The following BNC2 variants were observed in gnomAD, a reference collection of about 807,000 sequenced individuals.
BNC2 encodes zinc finger protein basonuclin-2.
Under a neutral mutation model 76.3 loss-of-function variants are expected in BNC2, and 20 were observed. The ratio of observed to expected loss-of-function variants is 0.26; its 90% confidence interval spans 0.18 to 0.38. BNC2 has a LOEUF of 0.38. Ranked by LOEUF, BNC2 falls within the 10% of genes least tolerant of loss-of-function variation. The probability of loss-of-function intolerance (pLI) is 1.00; values close to 1 mark genes in which losing one functional copy is unlikely to be tolerated. For missense variants in BNC2, 1,382 were observed against 1,399.8 expected, an observed-to-expected ratio of 0.99 and a Z score of 0.20; for synonymous variants, 582 against 514.8, an observed-to-expected ratio of 1.13 and a Z score of -1.77.
rs145200373 is a variant in BNC2 at position 16,579,485 on chromosome 9, G to C, written c.433+3498C>G. 7.0e-3 allele frequency among the ~76,000 whole-genome samples: 1,072 copies of C among 152,142 alleles called. 28 individuals are homozygous for C. The South Asian group carries it at 0.091, about 13-fold the overall frequency. On this transcript the variant is annotated intron_variant, in intron 4 of 6. Transcript: ENST00000380672. ...TTTTGTAGAGACAAGATTTTGCCAT[G>C]TTGCCCAGGTTGGTCTTGAACTCCT...
chr9:16,799,778 G>A (rs1342750002), intron 1 of BNC2, among the ~76,000 whole-genome samples: 1 of 152,140 alleles, frequency 6.6e-6, no homozygotes, highest in Non-Finnish European at 1.5e-5. Flanking sequence ...AAAACCAGAA[G>A]AAACAATAAT....
intron 3 of BNC2, among the ~76,000 whole-genome samples, chr9:16,713,843 G>T (rs540586026): frequency 6.6e-6 from 1 of 152,202 alleles, no homozygotes; most frequent in African/African-American, 2.4e-5. Context: ...GGGAGGCTGA[G>T]GTGGGCAGAT....
chr9:16,613,562 A>C (rs1302306947), intron 3 of BNC2, among the ~76,000 whole-genome samples: 3 of 152,190 alleles, frequency 2.0e-5, no homozygotes. Flanking sequence ...TCTGAAAAGG[A>C]GATCAGCTAC....
At chr9:16,443,758 C>T (rs1039457133) in intron 5 of BNC2, among the ~76,000 whole-genome samples, 14 of 152,098 alleles carry the variant, frequency 9.2e-5, no homozygotes, top group African/African-American at 3.4e-4. Flanking sequence ...CATACATACG[C>T]TACTGTTCCA....
At chr9:16,623,297 T>G (rs1319640628) in intron 3 of BNC2, among the ~76,000 whole-genome samples, 1 of 152,160 alleles carries the variant, frequency 6.6e-6, no homozygotes, top group African/African-American at 2.4e-5. Flanking sequence ...GAGGGCATAT[T>G]GTACCAGACT....
At chr9:16,865,488 A>G (rs1819522417) in intron 1 of BNC2, among the ~76,000 whole-genome samples, 1 of 152,198 alleles carries the variant, frequency 6.6e-6, no homozygotes, top group South Asian at 2.1e-4. Context: ...ACTTTTTGTA[A>G]TTGTAAGTGA....
At chr9:16,623,303 A>C (rs1659116136) in intron 3 of BNC2, among the ~76,000 whole-genome samples, 1 of 152,202 alleles carries the variant, frequency 6.6e-6, no homozygotes, top group Non-Finnish European at 1.5e-5. Context: ...ATATTGTACC[A>C]GACTGAATTA....
intron 3 of BNC2, among the ~76,000 whole-genome samples, chr9:16,633,014 T>C (rs1821211261): frequency 6.6e-6 from 1 of 152,328 alleles, no homozygotes; most frequent in Admixed American, 6.5e-5. Context: ...TGTTGCTTCA[T>C]TCATATTTAG....
intron 5 of BNC2, among the ~76,000 whole-genome samples, chr9:16,551,256 G>A (rs890214756): frequency 2.6e-5 from 4 of 152,154 alleles, no homozygotes; most frequent in Non-Finnish European, 5.9e-5. Flanking sequence ...ATTCTATTCT[G>A]AGAGCAGACA....
intron 1 of BNC2, among the ~76,000 whole-genome samples, chr9:16,845,018 C>G (rs1818932417): frequency 6.6e-6 from 1 of 152,118 alleles, no homozygotes; most frequent in Non-Finnish European, 1.5e-5. Context: ...AGTAGCATCA[C>G]CAGGTTCAGA....
intron 5 of BNC2, among the ~76,000 whole-genome samples, chr9:16,471,396 C>A (rs185230401): frequency 6.6e-6 from 1 of 151,654 alleles, no homozygotes; most frequent in African/African-American, 2.4e-5. Context: ...CGGATTCAAG[C>A]GATTCTCCTG....
intron 3 of BNC2, among the ~76,000 whole-genome samples, chr9:16,674,498 A>C (rs1243986542): frequency 6.6e-6 from 1 of 152,194 alleles, no homozygotes; most frequent in Non-Finnish European, 1.5e-5. Flanking sequence ...TACAACTCGC[A>C]TGGATAGTCT....
intron 3 of BNC2, among the ~76,000 whole-genome samples, chr9:16,720,482 T>C (rs1383358359): frequency 6.6e-6 from 1 of 152,150 alleles, no homozygotes; most frequent in East Asian, 1.9e-4. Context: ...CAATGACACA[T>C]AAACCCTAAA....
chr9:16,760,032 AACTCTT>A (rs1825508761), intron 1 of BNC2, among the ~76,000 whole-genome samples: 1 of 152,130 alleles, frequency 6.6e-6, no homozygotes, highest in Admixed American at 6.5e-5. Flanking sequence ...CAGAGACAGA[AACTCTT>A]ACGAGCTAAG....
At chr9:16,686,463 T>C (rs1178340790) in intron 3 of BNC2, among the ~76,000 whole-genome samples, 1 of 152,232 alleles carries the variant, frequency 6.6e-6, no homozygotes, top group Non-Finnish European at 1.5e-5. Context: ...AAATTTCTAA[T>C]TGTTCCTCAT....
chr9:16,431,097 A>G (rs1356461039), intron 6 of BNC2, among the ~76,000 whole-genome samples: 1 of 152,230 alleles, frequency 6.6e-6, no homozygotes, highest in Non-Finnish European at 1.5e-5. Context: ...ATGTAGGATG[A>G]AAAAGAGACA....
intron 4 of BNC2, among the ~76,000 whole-genome samples, chr9:16,576,490 A>G (rs748729443): frequency 8.5e-5 from 13 of 152,178 alleles, no homozygotes; most frequent in Non-Finnish European, 1.9e-4. Flanking sequence ...AGTCAGGGAG[A>G]ATATTAGAGA....
chr9:16,776,836 A>G (rs1825980500), intron 1 of BNC2, among the ~76,000 whole-genome samples: 1 of 152,242 alleles, frequency 6.6e-6, no homozygotes, highest in Non-Finnish European at 1.5e-5. Flanking sequence ...AAAAGATAGG[A>G]CAGTGGCAGC....
chr9:16,661,237 T>C (rs1212372007), intron 3 of BNC2, among the ~76,000 whole-genome samples: 1 of 152,284 alleles, frequency 6.6e-6, no homozygotes, highest in South Asian at 2.1e-4. Flanking sequence ...AATATACTCA[T>C]CTTCTAACAA....
Sources: gnomAD v4.1 joint callset for allele counts (sites outside exome capture counted in the v4.1 genomes callset) on GRCh38, gnomAD v4.1.1 for gene constraint, MANE v1.5 for transcripts, NCBI Gene and HGNC (gene_info 2026-07-23, HGNC 2026-07-21) for gene names.